EXOC4: variants seen among roughly 807,000 people sequenced by gnomAD.
EXOC4 encodes SEC8-like 1.
In EXOC4, 71 loss-of-function variants were observed where a neutral mutation model predicts 107.2. That is an observed-to-expected ratio of 0.66 (90% CI 0.55 to 0.81). EXOC4 has a LOEUF of 0.81. Among genes scored for constraint, EXOC4 ranks in the 30% least tolerant of loss-of-function variants. EXOC4 has a pLI of 0.00. For synonymous variants in EXOC4, 456 were observed against 441.2 expected (o/e 1.03, Z -0.42); for missense variants, 1,108 against 1,189.6 (o/e 0.93, Z 1.01).
At chr7:133,681,770 C>T (rs910093384) in intron 10 of EXOC4, among the ~76,000 whole-genome samples, 1 of 151,900 alleles carries the variant, frequency 6.6e-6, no homozygotes, top group Non-Finnish European at 1.5e-5. Flanking sequence ...CTCGGTGTTT[C>T]AGTTATCTCA....
At chr7:133,570,098 A>C (rs558460631) in intron 9 of EXOC4, among the ~76,000 whole-genome samples, 1 of 152,356 alleles carries the variant, frequency 6.6e-6, no homozygotes, top group South Asian at 2.1e-4. Context: ...AATATTTGAC[A>C]GTTCAAATTT....
intron 17 of EXOC4, among the ~76,000 whole-genome samples, chr7:134,047,194 A>G (rs575894442): frequency 3.0e-4 from 46 of 152,212 alleles, no homozygotes; most frequent in Non-Finnish European, 5.4e-4. Context: ...ATTTAAATAG[A>G]GGCATTAAAC....
In EXOC4 at chr7:133,631,663, G is replaced by T. The variant is rs188147155; in HGVS notation, c.1514+1522G>T. Among the ~76,000 whole-genome samples, 21 of 152,080 alleles carry T rather than the reference G, an allele frequency of 1.4e-4. No homozygotes were observed. In the East Asian group the frequency reaches 2.9e-3, roughly 21 times the overall value. ...AATTAAGACTATTAAGAGGTTAAGA[G>T]AATTAAAACTATTTCTCTGTAGGTT... is the stretch of plus-strand genomic sequence containing the variant. On this transcript the variant is annotated intron_variant, in intron 10 of 17. Transcript: ENST00000253861.
chr7:133,802,980 G>A (rs1353260280), intron 10 of EXOC4, among the ~76,000 whole-genome samples: 1 of 151,116 alleles, frequency 6.6e-6, no homozygotes, highest in Non-Finnish European at 1.5e-5. Flanking sequence ...CACTTCTAAA[G>A]ACATTAATAA....
intron 7 of EXOC4, among the ~76,000 whole-genome samples, chr7:133,469,516 A>T (rs1798819529): frequency 6.6e-6 from 1 of 152,198 alleles, no homozygotes; most frequent in African/African-American, 2.4e-5. Context: ...TCCTGTTTTT[A>T]TGAGATGCCA....
intron 7 of EXOC4, among the ~76,000 whole-genome samples, chr7:133,393,082 A>G (rs894313011): frequency 1.3e-5 from 2 of 151,832 alleles, no homozygotes; most frequent in Admixed American, 1.3e-4. Flanking sequence ...CATCTTTCCT[A>G]CTGTCCTTGC....
chr7:133,975,674 A>G (rs1027377975), intron 14 of EXOC4, among the ~76,000 whole-genome samples: 2 of 152,216 alleles, frequency 1.3e-5, no homozygotes, highest in African/African-American at 4.8e-5. Flanking sequence ...TTTGAACTAT[A>G]AAATGCTAAG....
chr7:133,547,142 C>A (rs1244426668), intron 9 of EXOC4, among the ~76,000 whole-genome samples: 1 of 152,060 alleles, frequency 6.6e-6, no homozygotes, highest in Non-Finnish European at 1.5e-5. Context: ...TCCAGACCAC[C>A]AGAATAAAGT....
chr7:133,579,767 A>C (rs1368704751), intron 9 of EXOC4, among the ~76,000 whole-genome samples: 3 of 150,902 alleles, frequency 2.0e-5, no homozygotes, highest in Non-Finnish European at 2.9e-5. Context: ...GCTCTCTGCA[A>C]CCTCCGCCTC....
At chr7:133,361,871 A>G (rs1796144099) in intron 6 of EXOC4, among the ~76,000 whole-genome samples, 1 of 152,216 alleles carries the variant, frequency 6.6e-6, no homozygotes, top group South Asian at 2.1e-4. Flanking sequence ...AAGCAGGGTG[A>G]TAGGTACAAG....
At chr7:133,734,724 T>G (rs1795401494) in intron 10 of EXOC4, among the ~76,000 whole-genome samples, 1 of 152,096 alleles carries the variant, frequency 6.6e-6, no homozygotes, top group South Asian at 2.1e-4. Flanking sequence ...ATCTTGGATT[T>G]CTGGATTAGA....
intron 11 of EXOC4, among the ~76,000 whole-genome samples, chr7:133,876,273 G>A (rs1798847682): frequency 6.6e-6 from 1 of 151,392 alleles, no homozygotes; most frequent in South Asian, 2.1e-4. Flanking sequence ...GTAGAGCAGG[G>A]AATCATATTG....
At chr7:133,697,093 G>T (rs952558192) in intron 10 of EXOC4, among the ~76,000 whole-genome samples, 2 of 152,124 alleles carry the variant, frequency 1.3e-5, no homozygotes, top group African/African-American at 2.4e-5. Flanking sequence ...ATACTATAGG[G>T]TAAGGCTTGG....
intron 10 of EXOC4, among the ~76,000 whole-genome samples, chr7:133,777,280 AG>A (rs1796364628): frequency 2.6e-3 from 1 of 378 alleles, no homozygotes; most frequent in Admixed American, 0.031. Flanking sequence ...AGAGAGAGAA[AG>A]AGAGAGAGAG....
intron 9 of EXOC4, among the ~76,000 whole-genome samples, chr7:133,582,827 G>C (rs1319585646): frequency 6.6e-6 from 1 of 152,232 alleles, no homozygotes; most frequent in South Asian, 2.1e-4. Flanking sequence ...TAATTAACAT[G>C]TTAACAGAAA....
At chr7:133,502,940 A>AT (rs1399756513) in intron 9 of EXOC4, among the ~76,000 whole-genome samples, 1 of 152,158 alleles carries the variant, frequency 6.6e-6, no homozygotes, top group Admixed American at 6.5e-5. Flanking sequence ...CCTTGTCAGT[A>AT]TTTTTGAATC....
At chr7:133,480,384 A>G in intron 9 of EXOC4, 1 of 1,302,232 alleles carries the variant, frequency 7.7e-7, no homozygotes, top group Non-Finnish European at 9.8e-7. Flanking sequence ...AGATGAGGCC[A>G]GGCTCGTCTT....
chr7:133,387,758 A>G (rs1796760212), intron 7 of EXOC4, among the ~76,000 whole-genome samples: 1 of 152,166 alleles, frequency 6.6e-6, no homozygotes, highest in South Asian at 2.1e-4. Context: ...CTAAGACAAA[A>G]CACAAAACAA....
At chr7:133,663,938 A>G (rs1272961620) in intron 10 of EXOC4, among the ~76,000 whole-genome samples, 1 of 152,158 alleles carries the variant, frequency 6.6e-6, no homozygotes, top group East Asian at 1.9e-4. Context: ...ACAGGGCCCT[A>G]AATAATCTGC....
Sources: gnomAD v4.1 joint callset for allele counts (sites outside exome capture counted in the v4.1 genomes callset) on GRCh38, gnomAD v4.1.1 for gene constraint, MANE v1.5 for transcripts, NCBI Gene and HGNC (gene_info 2026-07-23, HGNC 2026-07-21) for gene names.